ADGRL3: variants seen among roughly 807,000 people sequenced by gnomAD.
The protein encoded by ADGRL3 is calcium-independent alpha-latrotoxin receptor 3.
Under a neutral mutation model 153.5 loss-of-function variants are expected in ADGRL3, and 62 were observed. The ratio of observed to expected loss-of-function variants is 0.40; its 90% confidence interval spans 0.33 to 0.50. The LOEUF (loss-of-function observed/expected upper bound fraction) is 0.50. Ranked by LOEUF, ADGRL3 falls within the 20% of genes least tolerant of loss-of-function variation. The probability of loss-of-function intolerance (pLI) is 0.47; values close to 1 mark genes in which losing one functional copy is unlikely to be tolerated. For missense variants in ADGRL3, 1,641 were observed against 1,859.4 expected (o/e 0.88, Z 2.16); for synonymous variants, 710 against 672.5 (o/e 1.06, Z -0.86).
At chr4:61,744,901 A>T (rs1301927980) in intron 8 of ADGRL3, among the ~76,000 whole-genome samples, 2 of 152,234 alleles carry the variant, frequency 1.3e-5, no homozygotes, top group Non-Finnish European at 2.9e-5. Flanking sequence ...AAGCCTTCAG[A>T]CGATCAAACT....
At chr4:61,544,504 A>G (rs1018515304) in intron 4 of ADGRL3, among the ~76,000 whole-genome samples, 2 of 152,084 alleles carry the variant, frequency 1.3e-5, no homozygotes, top group Non-Finnish European at 2.9e-5. Context: ...CTTCCTGTCT[A>G]TCTCCCTTTA....
At chr4:61,750,058 G>A (rs2096732826) in intron 8 of ADGRL3, among the ~76,000 whole-genome samples, 1 of 151,554 alleles carries the variant, frequency 6.6e-6, no homozygotes, top group Non-Finnish European at 1.5e-5. Context: ...AAGTGGAGCT[G>A]AACCGTGCCA....
At chr4:61,735,601 T>C (rs2096497414) in intron 8 of ADGRL3, among the ~76,000 whole-genome samples, 1 of 152,224 alleles carries the variant, frequency 6.6e-6, no homozygotes, top group African/African-American at 2.4e-5. Flanking sequence ...GTTTGGTTAG[T>C]GAAAACTTTG....
chr4:61,580,367 C>A (rs952637131), intron 4 of ADGRL3, among the ~76,000 whole-genome samples: 1 of 151,944 alleles, frequency 6.6e-6, no homozygotes, highest in Non-Finnish European at 1.5e-5. Context: ...AAACTAATAG[C>A]CTAAATGCTG....
At chr4:61,573,774 C>T (rs1435462527) in intron 4 of ADGRL3, among the ~76,000 whole-genome samples, 1 of 151,798 alleles carries the variant, frequency 6.6e-6, no homozygotes, top group Non-Finnish European at 1.5e-5. Flanking sequence ...ATAAATAAGG[C>T]TACTAAATTG....
chr4:61,317,551 G>C (rs1560466437), intron 1 of ADGRL3, among the ~76,000 whole-genome samples: 1 of 152,118 alleles, frequency 6.6e-6, no homozygotes. Flanking sequence ...TCTCCTTCTT[G>C]TGTAAGGCCT....
chr4:61,956,293 T>C (rs36198585), intron 17 of ADGRL3, among the ~76,000 whole-genome samples: 1 of 152,204 alleles, frequency 6.6e-6, no homozygotes, highest in East Asian at 1.9e-4. Flanking sequence ...TGATCAGTGA[T>C]GTTGAACTTT....
intron 6 of ADGRL3, among the ~76,000 whole-genome samples, chr4:61,692,405 G>C (rs1478165616): frequency 6.7e-6 from 1 of 150,302 alleles, no homozygotes; most frequent in Non-Finnish European, 1.5e-5. Flanking sequence ...CCTTCTAATT[G>C]GTCACTAGTC....
intron 1 of ADGRL3, among the ~76,000 whole-genome samples, chr4:61,220,072 A>C (rs1744729940): frequency 6.7e-6 from 1 of 149,564 alleles, no homozygotes; most frequent in Non-Finnish European, 1.5e-5. Flanking sequence ...TGCGTGCGCC[A>C]TTGCACTCCA....
At chr4:61,662,621 A>C (rs1273459434) in intron 5 of ADGRL3, among the ~76,000 whole-genome samples, 2 of 152,144 alleles carry the variant, frequency 1.3e-5, no homozygotes, top group African/African-American at 4.8e-5. Flanking sequence ...GGCACCATGG[A>C]TGGCAGGTTA....
chr4:61,476,069 T>C (rs768966673), intron 2 of ADGRL3, among the ~76,000 whole-genome samples: 15 of 152,286 alleles, frequency 9.8e-5, no homozygotes, highest in Non-Finnish European at 2.1e-4. Flanking sequence ...TCATTGTATT[T>C]AGGAGTCAGA....
chr4:61,914,380 CA>C (rs2098735925), intron 13 of ADGRL3, among the ~76,000 whole-genome samples: 1 of 152,074 alleles, frequency 6.6e-6, no homozygotes, highest in South Asian at 2.1e-4. Context: ...GACAAACATA[CA>C]AATTTATTTT....
intron 5 of ADGRL3, among the ~76,000 whole-genome samples, chr4:61,594,572 A>G (rs1463528042): frequency 1.3e-5 from 2 of 152,070 alleles, no homozygotes; most frequent in African/African-American, 2.4e-5. Context: ...TATCTCACTT[A>G]CCAGGCAGAG....
intron 2 of ADGRL3, among the ~76,000 whole-genome samples, chr4:61,444,372 C>T (rs2097559024): frequency 6.6e-6 from 1 of 152,162 alleles, no homozygotes; most frequent in African/African-American, 2.4e-5. Context: ...CTGCCTCCAC[C>T]AGATTCCATG....
intron 4 of ADGRL3, among the ~76,000 whole-genome samples, chr4:61,560,001 T>C (rs906908844): frequency 1.3e-4 from 20 of 152,080 alleles, no homozygotes; most frequent in African/African-American, 4.6e-4. Context: ...CATATTCACA[T>C]GAAAAAGTAC....
intron 24 of ADGRL3, among the ~76,000 whole-genome samples, chr4:62,044,150 T>C (rs1729834390): frequency 1.3e-5 from 2 of 152,052 alleles, no homozygotes; most frequent in East Asian, 1.9e-4. Context: ...TCTGAAGATA[T>C]ATACCTCTGT....
chr4:61,472,051 T>C (rs796106766), intron 2 of ADGRL3, among the ~76,000 whole-genome samples: 8 of 152,216 alleles, frequency 5.3e-5, no homozygotes, highest in African/African-American at 1.9e-4. Context: ...CTTTGAGTAC[T>C]AGATTCAGTA....
intron 4 of ADGRL3, among the ~76,000 whole-genome samples, chr4:61,547,678 A>G (rs1294487287): frequency 1.3e-5 from 2 of 152,066 alleles, no homozygotes; most frequent in Non-Finnish European, 2.9e-5. Context: ...GGTTGATTCC[A>G]TATCTTTGCT....
intron 6 of ADGRL3, among the ~76,000 whole-genome samples, chr4:61,692,793 A>G (rs559779152): frequency 4.6e-5 from 7 of 152,082 alleles, no homozygotes; most frequent in Non-Finnish European, 1.0e-4. Flanking sequence ...TTGAATAGCT[A>G]TTCCCCAATT....
Sources: allele counts gnomAD v4.1 joint callset (sites outside exome capture counted in the v4.1 genomes callset), GRCh38; gene constraint gnomAD v4.1.1; transcripts MANE v1.5; gene names NCBI Gene and HGNC (gene_info 2026-07-23, HGNC 2026-07-21).